The following HOMER2 variants were observed in gnomAD, a reference collection of about 807,000 sequenced individuals.
The protein encoded by HOMER2 is homer scaffold protein 2.
HOMER2 carries 27 observed loss-of-function variants against 47.0 expected under a neutral mutation model. That is an observed-to-expected ratio of 0.57 (90% CI 0.42 to 0.79). The LOEUF is 0.79. Ranked by LOEUF, HOMER2 falls within the 30% of genes least tolerant of loss-of-function variation. HOMER2 has a pLI of 0.00. For synonymous variants in HOMER2, 161 were observed against 163.8 expected (o/e 0.98, Z 0.13); for missense variants, 443 against 435.0 (o/e 1.02, Z -0.16).
intron 1 of HOMER2, among the ~76,000 whole-genome samples, chr15:82,974,404 CAAA>C (rs748948266): frequency 7.7e-6 from 1 of 130,042 alleles, no homozygotes; most frequent in Non-Finnish European, 1.7e-5. Flanking sequence ...AACTCTATCT[CAAA>C]AAAAAAAAAA....
chr15:82,949,643 TGAA>T (rs2054462259), intron 1 of HOMER2, among the ~76,000 whole-genome samples: 1 of 152,008 alleles, frequency 6.6e-6, no homozygotes, highest in South Asian at 2.1e-4. Context: ...TGTTTTCAGG[TGAA>T]GAAGAGCAAA....
At chr15:82,841,531 ATTTGATAT>A (rs1567004752) in exon 2 of HOMER2, 2 of 5,698 alleles carry the variant, frequency 3.5e-4, no homozygotes, top group Non-Finnish European at 5.9e-4. Context: ...AGTAAAAAAA[ATTTGATAT>A]ATATATATCA....
intron 6 of HOMER2, among the ~76,000 whole-genome samples, chr15:82,853,328 G>C (rs1052079458): frequency 2.6e-5 from 4 of 152,242 alleles, no homozygotes; most frequent in African/African-American, 9.6e-5. Flanking sequence ...TCTTGAAAAT[G>C]CAAGAAAGGG....
intron 1 of HOMER2, among the ~76,000 whole-genome samples, chr15:82,946,453 T>C (rs1365134874): frequency 6.6e-6 from 1 of 152,196 alleles, no homozygotes; most frequent in Non-Finnish European, 1.5e-5. Flanking sequence ...TTACTATTTC[T>C]TGAACAAGCC....
intron 1 of HOMER2, among the ~76,000 whole-genome samples, chr15:82,964,856 A>G: frequency 6.6e-6 from 1 of 152,326 alleles, no homozygotes; most frequent in East Asian, 1.9e-4. Context: ...CAGTGTTTCC[A>G]TGGGAAGTCA....
chr15:82,935,879 G>C (rs1300305687), intron 1 of HOMER2, among the ~76,000 whole-genome samples: 1 of 152,096 alleles, frequency 6.6e-6, no homozygotes, highest in East Asian at 1.9e-4. Context: ...TTCAACTGTT[G>C]TCCCCTTCCA....
intron 1 of HOMER2, among the ~76,000 whole-genome samples, chr15:82,938,051 T>G (rs1193980521): frequency 3.9e-5 from 6 of 152,174 alleles, no homozygotes; most frequent in Non-Finnish European, 7.3e-5. Flanking sequence ...GGTTCTCAGA[T>G]CAATCCCTTA....
At chr15:82,853,257 CA>C (rs1567012858) in intron 6 of HOMER2, among the ~76,000 whole-genome samples, 1 of 152,026 alleles carries the variant, frequency 6.6e-6, no homozygotes, top group Non-Finnish European at 1.5e-5. Flanking sequence ...GCTCTTCCTC[CA>C]CTCCCCCCGC....
intron 1 of HOMER2, among the ~76,000 whole-genome samples, chr15:82,901,645 G>C (rs1309499270): frequency 1.3e-5 from 2 of 152,212 alleles, no homozygotes; most frequent in Non-Finnish European, 2.9e-5. Context: ...CGGGTGGCAG[G>C]AGATGAGGTC....
At position 82,841,413 on chromosome 15, in the gene HOMER2, A is replaced by G. The variant is rs1333528878; in HGVS notation, c.*5861T>C. ...AACCCCAACATCCATTACTAATAAT[A>G]TTTTCATCAAACTAGAAATAGAGGG... On this transcript the variant is annotated 3_prime_UTR_variant, in exon 2 of 2. Coordinates refer to the HOMER2 transcript ENST00000558090. 4.6e-5 allele frequency: 7 copies of G among 152,176 alleles called. 1 individual carries two copies. The highest frequency in any genetic ancestry group is 4.6e-4 in the Admixed American group (7 of 15,278). The allele number at this position is 152,176 out of a possible 1,614,324, so 9.4% of individuals were successfully genotyped here.
At chr15:82,857,283 C>T (rs900713318) in intron 5 of HOMER2, among the ~76,000 whole-genome samples, 9 of 152,144 alleles carry the variant, frequency 5.9e-5, no homozygotes, top group African/African-American at 2.2e-4. Flanking sequence ...CCTCACCAGA[C>T]ACCAAATCTG....
chr15:82,970,280 T>C (rs1312335471), intron 1 of HOMER2, among the ~76,000 whole-genome samples: 1 of 152,148 alleles, frequency 6.6e-6, no homozygotes. Context: ...CAGCAGATAA[T>C]TTGAGAGGGC....
intron 1 of HOMER2, among the ~76,000 whole-genome samples, chr15:82,983,822 C>T (rs2030480768): frequency 6.6e-6 from 1 of 151,816 alleles, no homozygotes; most frequent in Non-Finnish European, 1.5e-5. Context: ...GAACTCCTGA[C>T]CTCAAGTGAT....
chr15:82,926,939 T>C (rs1173392797), intron 1 of HOMER2, among the ~76,000 whole-genome samples: 1 of 152,206 alleles, frequency 6.6e-6, no homozygotes, highest in Non-Finnish European at 1.5e-5. Context: ...AAATTTCTGT[T>C]CATTACAAAT....
At chr15:82,947,666 G>A (rs2054411248) in intron 1 of HOMER2, among the ~76,000 whole-genome samples, 1 of 152,186 alleles carries the variant, frequency 6.6e-6, no homozygotes, top group Non-Finnish European at 1.5e-5. Context: ...GCATCCAAAT[G>A]TGATCTCTTT....
chr15:82,942,759 G>A (rs755870808), intron 1 of HOMER2, among the ~76,000 whole-genome samples: 1 of 152,190 alleles, frequency 6.6e-6, no homozygotes, highest in African/African-American at 2.4e-5. Flanking sequence ...TTTTCTTGTT[G>A]ATATACATGG....
chr15:82,845,857 A>C (rs947290087), downstream of HOMER2: 2 of 152,226 alleles, frequency 1.3e-5, no homozygotes, highest in Admixed American at 1.3e-4. Context: ...AAAGAAAAAG[A>C]GCCCTGTTAA....
chr15:82,936,760 T>G (rs1029242406), intron 1 of HOMER2, among the ~76,000 whole-genome samples: 3 of 151,126 alleles, frequency 2.0e-5, no homozygotes, highest in Non-Finnish European at 4.4e-5. Context: ...TTTTTTTTTT[T>G]GAGATGGGGT....
chr15:82,864,316 C>A, intron 3 of HOMER2, 57 bp from the exon 4 acceptor site: 1 of 1,133,504 alleles, frequency 8.8e-7, no homozygotes. Flanking sequence ...GGCTGGTATT[C>A]AGAACCCACC....
Sources: allele counts gnomAD v4.1 joint callset (sites outside exome capture counted in the v4.1 genomes callset), GRCh38; gene constraint gnomAD v4.1.1; transcripts MANE v1.5; gene names NCBI Gene and HGNC (gene_info 2026-07-23, HGNC 2026-07-21).